CRYBG1: variants seen among roughly 807,000 people sequenced by gnomAD.
The protein encoded by CRYBG1 is crystallin beta-gamma domain containing 1.
A neutral mutation model predicts 189.2 loss-of-function variants in CRYBG1; 139 were observed. That is an observed-to-expected ratio of 0.73 (90% confidence interval 0.64 to 0.85). The LOEUF is 0.85. Ranked by LOEUF, CRYBG1 falls within the 40% of genes least tolerant of loss-of-function variation. The pLI, the probability that CRYBG1 is intolerant of heterozygous loss-of-function variation, is 0.00. For missense variants in CRYBG1, 2,611 were observed against 2,675.8 expected (o/e 0.98, Z 0.53); for synonymous variants, 1,023 against 1,017.1 (o/e 1.01, Z -0.11).
intron 2 of CRYBG1, among the ~76,000 whole-genome samples, chr6:106,494,851 A>C (rs1017307877): frequency 6.6e-6 from 1 of 152,194 alleles, no homozygotes; most frequent in Non-Finnish European, 1.5e-5. Context: ...TTTTTAAAAA[A>C]GTGTAAGTAA....
chr6:106,536,968 A>G (rs1250326722), intron 8 of CRYBG1, among the ~76,000 whole-genome samples: 1 of 152,244 alleles, frequency 6.6e-6, no homozygotes, highest in Non-Finnish European at 1.5e-5. Flanking sequence ...AAGTCCACCC[A>G]GCATTAATAA....
intron 2 of CRYBG1, among the ~76,000 whole-genome samples, chr6:106,470,978 A>G (rs2114466718): frequency 6.6e-6 from 1 of 152,302 alleles, no homozygotes; most frequent in South Asian, 2.1e-4. Context: ...TGCACTGTGG[A>G]GTCAATACAT....
At chr6:106,513,585 T>A (rs1488686306) in intron 3 of CRYBG1, among the ~76,000 whole-genome samples, 1 of 152,244 alleles carries the variant, frequency 6.6e-6, no homozygotes, top group Admixed American at 6.5e-5. Context: ...TCTTGGTTGC[T>A]TCTTCCCCTT....
At chr6:106,531,806 G>A (rs975287394) in intron 8 of CRYBG1, among the ~76,000 whole-genome samples, 2 of 152,130 alleles carry the variant, frequency 1.3e-5, no homozygotes, top group Admixed American at 6.5e-5. Context: ...AAGCCCGATG[G>A]TATTCTTTCC....
intron 1 of CRYBG1, among the ~76,000 whole-genome samples, chr6:106,399,638 C>A (rs1022039656): frequency 1.4e-5 from 2 of 147,170 alleles, no homozygotes; most frequent in African/African-American, 5.0e-5. Context: ...CCGATCGGTC[C>A]TTTTTTTTAG....
chr6:106,566,320 C>T (rs977214442), intron 21 of CRYBG1, among the ~76,000 whole-genome samples: 1 of 152,014 alleles, frequency 6.6e-6, no homozygotes, highest in African/African-American at 2.4e-5. Context: ...AACCGTGGGA[C>T]TCTAGGTTTC....
At chr6:106,486,619 A>G (rs1438044346) in intron 2 of CRYBG1, among the ~76,000 whole-genome samples, 1 of 152,168 alleles carries the variant, frequency 6.6e-6, no homozygotes. Flanking sequence ...TTGGATATAT[A>G]TATATTTACA....
chr6:106,537,773 A>T (rs914443691), intron 8 of CRYBG1, among the ~76,000 whole-genome samples: 3 of 152,166 alleles, frequency 2.0e-5, no homozygotes, highest in African/African-American at 7.2e-5. Context: ...CATCATCCTG[A>T]CTTCTAACAC....
At chr6:106,484,181 T>C (rs529863268) in intron 2 of CRYBG1, among the ~76,000 whole-genome samples, 15 of 152,302 alleles carry the variant, frequency 9.8e-5, no homozygotes, top group African/African-American at 3.6e-4. Context: ...GGGGGCACTA[T>C]ATTTTGTTCC....
intron 1 of CRYBG1, among the ~76,000 whole-genome samples, chr6:106,372,861 A>G (rs1340789543): frequency 6.6e-6 from 1 of 152,214 alleles, no homozygotes; most frequent in East Asian, 1.9e-4. Context: ...CTTCATATTT[A>G]TAACTGAGAA....
In CRYBG1 at chr6:106,521,711, C is replaced by CTTTTTTTTTT. The variant is rs397976859; in HGVS notation, c.4245+274_4245+283dup. On this transcript the variant is annotated intron_variant, in intron 4 of 21. Coordinates refer to ENST00000633556, the MANE Select transcript of CRYBG1 (RefSeq NM_001371242.2). ...CTACAAATGCTCTAAGGCACATGATCTTTTTTTTTTTTTTTTTTTTTTTTT... is the reference window on the plus strand; with the variant it reads ...CTACAAATGCTCTAAGGCACATGATCTTTTTTTTTTTTTTTTTTTTTTTTTTTTTTTTTTT... 1.7e-4 allele frequency among the ~76,000 whole-genome samples: 12 copies of CTTTTTTTTTT among 72,186 alleles called. 1 individual carries two copies. The highest frequency in any genetic ancestry group is 2.9e-4 in the African/African-American group (5 of 17,142). 47.4% of individuals were successfully genotyped at this position (72,186 alleles called of 152,430 possible). A position where few individuals can be genotyped will look rare whatever the true frequency, so the allele number is the denominator to read the frequency against.
intron 1 of CRYBG1, among the ~76,000 whole-genome samples, chr6:106,373,646 A>G (rs1174160275): frequency 6.6e-6 from 1 of 152,232 alleles, no homozygotes; most frequent in Non-Finnish European, 1.5e-5. Flanking sequence ...TTCTATGAAT[A>G]TTATTATATA....
Position 106,554,963 on chromosome 6 carries a change from G to A in CRYBG1, c.5586-805G>A, listed in dbSNP as rs141737236. Among the ~76,000 whole-genome samples, 251 of 152,174 alleles carry A rather than the reference G, an allele frequency of 1.6e-3. 1 individual carries two copies. The highest frequency in any genetic ancestry group is 5.8e-3 in the African/African-American group (240 of 41,522). ...GGGCAGATCACCAGGTCAGGATTTC[G>A]AGACCAGTCTGGCCAATATGGTGAA... On this transcript the variant is annotated intron_variant, in intron 16 of 21. Transcript: ENST00000633556.
intron 1 of CRYBG1, among the ~76,000 whole-genome samples, chr6:106,368,557 A>G (rs964500861): frequency 6.6e-6 from 1 of 152,172 alleles, no homozygotes; most frequent in East Asian, 1.9e-4. Context: ...TCATTAGCTC[A>G]TTTACAGTTG....
intron 2 of CRYBG1, among the ~76,000 whole-genome samples, chr6:106,496,080 T>C (rs978750343): frequency 1.1e-4 from 16 of 152,206 alleles, no homozygotes; most frequent in Admixed American, 2.0e-4. Context: ...CAAGTTATTA[T>C]GTATTGCACA....
In CRYBG1 at chr6:106,550,111, A is replaced by C. The variant is rs571503387; in HGVS notation, c.5313-1741A>C. On this transcript the variant is annotated intron_variant, in intron 13 of 21. Coordinates refer to ENST00000633556, the MANE Select transcript of CRYBG1 (RefSeq NM_001371242.2). The stretch of plus-strand genomic sequence containing the variant: ...CAAATACTTCCATGTGATGCTGCTT[A>C]CCCATCTGTGGGCTTTGGAGGACAG... 5.3e-5 allele frequency among the ~76,000 whole-genome samples: 8 copies of C among 152,240 alleles called. No homozygotes were observed. The East Asian group carries it at 1.4e-3, about 26-fold the overall frequency.
intron 15 of CRYBG1, among the ~76,000 whole-genome samples, chr6:106,553,050 C>T (rs1168765667): frequency 1.3e-5 from 2 of 152,134 alleles, no homozygotes; most frequent in Non-Finnish European, 2.9e-5. Context: ...CACAGGATTC[C>T]GATAAGTCAG....
At chr6:106,391,008 G>A (rs547357705) in intron 1 of CRYBG1, among the ~76,000 whole-genome samples, 74 of 152,160 alleles carry the variant, frequency 4.9e-4, no homozygotes, top group Non-Finnish European at 8.5e-4. Context: ...ACTGTTTTCC[G>A]AAGTGATTGT....
intron 18 of CRYBG1, among the ~76,000 whole-genome samples, chr6:106,559,583 G>A (rs370794881): frequency 3.9e-5 from 6 of 151,900 alleles, no homozygotes; most frequent in African/African-American, 1.4e-4. Flanking sequence ...CAGGAGTTCA[G>A]GACCAGCCTG....
Sources: gnomAD v4.1 joint callset for allele counts (sites outside exome capture counted in the v4.1 genomes callset) on GRCh38, gnomAD v4.1.1 for gene constraint, MANE v1.5 for transcripts, NCBI Gene and HGNC (gene_info 2026-07-23, HGNC 2026-07-21) for gene names.